The following HSD17B12 variants were observed in gnomAD, a reference collection of about 807,000 sequenced individuals.
The protein encoded by HSD17B12 is hydroxysteroid 17-beta dehydrogenase 12.
HSD17B12 carries 32 observed loss-of-function variants against 39.3 expected under a neutral mutation model. That is an observed-to-expected ratio of 0.81 (90% CI 0.61 to 1.09). HSD17B12 has a LOEUF of 1.09. HSD17B12 is among the 50% of genes least tolerant of loss of function. The pLI, the probability that HSD17B12 is intolerant of heterozygous loss-of-function variation, is 0.00. For synonymous variants in HSD17B12, 150 were observed against 146.7 expected (o/e 1.02, Z -0.16); for missense variants, 342 against 382.9 (o/e 0.89, Z 0.89).
At chr11:43,717,567 A>G (rs558423092) in intron 1 of HSD17B12, among the ~76,000 whole-genome samples, 14 of 152,138 alleles carry the variant, frequency 9.2e-5, no homozygotes, top group Middle Eastern at 3.4e-3. Context: ...TCCACATGGT[A>G]TTGGCTGGGG....
intron 1 of HSD17B12, chr11:43,734,268 T>G (rs1950296128): frequency 1.5e-6 from 2 of 1,300,970 alleles, no homozygotes; most frequent in Admixed American, 1.7e-5. Context: ...TTGACACATC[T>G]GACTTTCAGG....
rs1470739740 is a variant in HSD17B12 at position 43,817,012 on chromosome 11, ATATCTATATCTATATCTATATCTATATC to A, written c.501+625_501+652del. 5.3e-3 allele frequency among the ~76,000 whole-genome samples: 108 copies of A among 20,272 alleles called. 1 individual carries two copies. Among genetic ancestry groups the A allele is most frequent in the African/African-American group, 8.4e-3 (67 of 7,968 alleles). 13.3% of individuals were successfully genotyped at this position (20,272 alleles called of 152,430 possible). On this transcript the variant is annotated intron_variant, in intron 6 of 10. Transcript: ENST00000278353. ...TATATCTATATCTATATCTATATCT[ATATCTATATCTATATCTATATCTATATC>A]TATATATATATATATATATCTCGTG...
intron 1 of HSD17B12, among the ~76,000 whole-genome samples, chr11:43,686,374 T>C (rs1163412221): frequency 6.6e-6 from 1 of 152,216 alleles, no homozygotes. Context: ...GAAAAAGTTC[T>C]GCAGATTAAA....
At chr11:43,625,576 T>C in the HSD17B12 span, among the ~76,000 whole-genome samples, 1 of 151,460 alleles carries the variant, frequency 6.6e-6, no homozygotes, top group Non-Finnish European at 1.5e-5. Flanking sequence ...ATAAGACATT[T>C]TATCACATGT....
At chr11:43,842,660 A>G (rs990149116) in intron 9 of HSD17B12, among the ~76,000 whole-genome samples, 9 of 152,238 alleles carry the variant, frequency 5.9e-5, no homozygotes, top group Admixed American at 3.3e-4. Context: ...ATGAGAAGGT[A>G]TTCATGGGAA....
chr11:43,748,585 A>G (rs1001370921), intron 1 of HSD17B12, among the ~76,000 whole-genome samples: 2 of 152,194 alleles, frequency 1.3e-5, no homozygotes, highest in African/African-American at 4.8e-5. Flanking sequence ...AAACCTCCAC[A>G]TGTACCCTCT....
chr11:43,756,753 G>T (rs1950510943), intron 3 of HSD17B12, among the ~76,000 whole-genome samples: 1 of 152,210 alleles, frequency 6.6e-6, no homozygotes, highest in Non-Finnish European at 1.5e-5. Context: ...AAGTACTGCA[G>T]CCTGTACAAA....
At chr11:43,621,474 G>A in the HSD17B12 span, among the ~76,000 whole-genome samples, 2 of 152,134 alleles carry the variant, frequency 1.3e-5, no homozygotes, top group Non-Finnish European at 2.9e-5. Flanking sequence ...CAGCACTTTG[G>A]GAGGCCGAGG....
At chr11:43,796,665 A>G (rs1950919189) in intron 3 of HSD17B12, among the ~76,000 whole-genome samples, 2 of 152,210 alleles carry the variant, frequency 1.3e-5, no homozygotes, top group African/African-American at 4.8e-5. Flanking sequence ...AGAAGAGTGA[A>G]TTTGGTTCAG....
At chr11:43,601,929 C>T in the HSD17B12 span, among the ~76,000 whole-genome samples, 1 of 152,186 alleles carries the variant, frequency 6.6e-6, no homozygotes, top group African/African-American at 2.4e-5. Context: ...GGAACCTTGC[C>T]ATTCTGCTGC....
chr11:43,656,381 T>A, the HSD17B12 span, among the ~76,000 whole-genome samples: 19 of 152,312 alleles, frequency 1.2e-4, no homozygotes, highest in Non-Finnish European at 2.6e-4. Context: ...TTTGAAGGGT[T>A]TTTTGTGTCT....
intron 1 of HSD17B12, among the ~76,000 whole-genome samples, chr11:43,736,501 A>C (rs982640433): frequency 1.3e-5 from 2 of 152,206 alleles, no homozygotes; most frequent in Non-Finnish European, 2.9e-5. Flanking sequence ...GTATTGGGAC[A>C]GGACATTTGT....
chr11:43,713,174 C>T (rs1950085836), intron 1 of HSD17B12, among the ~76,000 whole-genome samples: 1 of 152,162 alleles, frequency 6.6e-6, no homozygotes, highest in Non-Finnish European at 1.5e-5. Flanking sequence ...TACATGTGCA[C>T]AACGTGCAGG....
the HSD17B12 span, among the ~76,000 whole-genome samples, chr11:43,628,580 A>G: frequency 2.6e-5 from 4 of 152,076 alleles, no homozygotes; most frequent in African/African-American, 7.2e-5. Flanking sequence ...AGCCATGGCT[A>G]AAGAAATGAG....
At chr11:43,794,464 T>G (rs1466187619) in intron 3 of HSD17B12, among the ~76,000 whole-genome samples, 11 of 152,166 alleles carry the variant, frequency 7.2e-5, no homozygotes. Flanking sequence ...AAGAACAAAG[T>G]AGACTTGCAC....
the HSD17B12 span, among the ~76,000 whole-genome samples, chr11:43,634,632 T>G: frequency 2.0e-5 from 3 of 152,166 alleles, no homozygotes; most frequent in African/African-American, 7.2e-5. Flanking sequence ...GCACACTGAT[T>G]ATTGAGAGAA....
intron 4 of HSD17B12, among the ~76,000 whole-genome samples, chr11:43,800,065 G>C (rs1265538350): frequency 6.6e-6 from 1 of 152,134 alleles, no homozygotes; most frequent in Non-Finnish European, 1.5e-5. Context: ...CTCTTCCTTA[G>C]CCTAGATCTG....
At chr11:43,736,975 A>T (rs960179509) in intron 1 of HSD17B12, among the ~76,000 whole-genome samples, 1 of 152,200 alleles carries the variant, frequency 6.6e-6, no homozygotes, top group Non-Finnish European at 1.5e-5. Context: ...AGGAATACTG[A>T]TGCAAGCTCT....
chr11:43,765,325 G>A lies in HSD17B12; in HGVS notation c.283+11204G>A, dbSNP rs187390023. Among the ~76,000 whole-genome samples the A allele has an allele frequency of 3.3e-5, 5 of 151,780 alleles. No homozygotes were observed. In the East Asian group the frequency reaches 7.7e-4, roughly 23 times the overall value. On this transcript the variant is annotated intron_variant, in intron 3 of 10. Coordinates refer to ENST00000278353, the MANE Select transcript of HSD17B12 (RefSeq NM_016142.3). The stretch of plus-strand genomic sequence containing the variant: ...GATAGATGGTTTCTTTTTGTTTTCT[G>A]GTACTTAAACTACTTTGCTTCACTG...
Sources: gnomAD v4.1 joint callset for allele counts (sites outside exome capture counted in the v4.1 genomes callset) on GRCh38, gnomAD v4.1.1 for gene constraint, MANE v1.5 for transcripts, NCBI Gene and HGNC (gene_info 2026-07-23, HGNC 2026-07-21) for gene names.